GPR107: variants seen among roughly 807,000 people sequenced by gnomAD.
GPR107 encodes protein GPR107.
A neutral mutation model predicts 75.5 loss-of-function variants in GPR107; 31 were observed. The observed-to-expected ratio is 0.41, with a 90% confidence interval of 0.31 to 0.55. GPR107 has a LOEUF of 0.55. Ranked by LOEUF, GPR107 falls within the 20% of genes least tolerant of loss-of-function variation. The probability of loss-of-function intolerance (pLI) is 0.26; values close to 1 mark genes in which losing one functional copy is unlikely to be tolerated. For synonymous variants in GPR107, 267 were observed against 251.3 expected (o/e 1.06, Z -0.59); for missense variants, 572 against 665.7 (o/e 0.86, Z 1.55).
chr9:130,111,955 C>A (rs192318789), intron 14 of GPR107, among the ~76,000 whole-genome samples: 15 of 152,266 alleles, frequency 9.9e-5, no homozygotes, highest in Admixed American at 9.2e-4. Context: ...TTGAGTCTCG[C>A]ACAGACACAC....
In GPR107 at chr9:130,130,755, A is replaced by G. The variant is rs371625186; in HGVS notation, c.1562+1994A>G. Among the ~76,000 whole-genome samples the G allele has an allele frequency of 7.2e-5, 11 of 152,050 alleles. 1 individual carries two copies. The highest frequency in any genetic ancestry group is 2.2e-4 in the African/African-American group (9 of 41,466). ...CGTGGTGGCAGGCACCTGTAATCCC[A>G]GCTACTCGGGAGGCTGAAGCAGGAG... On this transcript the variant is annotated intron_variant, in intron 17 of 17. Coordinates refer to ENST00000347136, the MANE Select transcript of GPR107 (RefSeq NM_020960.5).
At chr9:130,054,763 A>C (rs1486928786) in intron 1 of GPR107, among the ~76,000 whole-genome samples, 5 of 152,222 alleles carry the variant, frequency 3.3e-5, no homozygotes, top group African/African-American at 1.2e-4. Context: ...ACGCACCCTA[A>C]GGTGGTTCAG....
At chr9:130,084,156 G>T (rs1328833944) in intron 6 of GPR107, among the ~76,000 whole-genome samples, 1 of 150,826 alleles carries the variant, frequency 6.6e-6, no homozygotes, top group Non-Finnish European at 1.5e-5. Flanking sequence ...CCAGCACTTT[G>T]GGAGGTTGAG....
At position 130,128,759 on chromosome 9, in the gene GPR107, C is replaced by T. The variant is rs140871924; in HGVS notation, c.1560C>T (p.Ser520=). Residue 520 remains serine, a splice_region_variant and synonymous_variant, in exon 17 of 18, where the codon TCC becomes TCT. Coordinates refer to ENST00000347136, the MANE Select transcript of GPR107 (RefSeq NM_020960.5). The part of the protein sequence containing the change: ...SQEEEDLEME[S]VVTTSGVMES... ...AAGAAGAAGACTTGGAAATGGAGTC[C>T]GTGTAAGAAATCTTTCTTCCCTCTT... 4.1e-5 allele frequency: 66 copies of T among 1,613,502 alleles called. No homozygotes were observed. The highest frequency in any genetic ancestry group is 5.5e-5 in the Non-Finnish European group (65 of 1,179,540).
At chr9:130,116,283 C>A (rs892642643) in intron 14 of GPR107, among the ~76,000 whole-genome samples, 2 of 152,218 alleles carry the variant, frequency 1.3e-5, no homozygotes, top group African/African-American at 4.8e-5. Flanking sequence ...GGGCCTGGTT[C>A]TTCTGCCTAC....
chr9:130,086,577 G>A (rs1394072260), intron 7 of GPR107, 101 bp downstream of exon 7: 1 of 749,128 alleles, frequency 1.3e-6, no homozygotes, highest in Non-Finnish European at 2.4e-6. Context: ...TAACAACTTA[G>A]GTATGCCCTG....
chr9:130,122,639 C>T (rs896946063), intron 14 of GPR107, among the ~76,000 whole-genome samples: 8 of 152,112 alleles, frequency 5.3e-5, no homozygotes, highest in African/African-American at 1.7e-4. Context: ...GCAGCTGCCC[C>T]GGGGGCAGAG....
At chr9:130,108,687 C>T in intron 14 of GPR107, 1 of 455,266 alleles carries the variant, frequency 2.2e-6, no homozygotes, top group Admixed American at 2.4e-5. Context: ...CACTCAGCTT[C>T]TGCGACCTGC....
intron 16 of GPR107, among the ~76,000 whole-genome samples, chr9:130,127,882 T>C (rs748112777): frequency 3.9e-5 from 6 of 152,158 alleles, no homozygotes; most frequent in Non-Finnish European, 8.8e-5. Context: ...TTTGTTTTTT[T>C]AGTAGAGATG....
chr9:130,067,680 A>C (rs1036403054), intron 1 of GPR107, among the ~76,000 whole-genome samples: 6 of 151,880 alleles, frequency 4.0e-5, no homozygotes, highest in Non-Finnish European at 8.8e-5. Context: ...TATAATATTA[A>C]ACTTCTTAGG....
At chr9:130,091,673 C>T (rs1032734946) in intron 8 of GPR107, among the ~76,000 whole-genome samples, 16 of 150,832 alleles carry the variant, frequency 1.1e-4, no homozygotes, top group African/African-American at 3.2e-4. Context: ...GGATTACAGG[C>T]GCCTTTCACA....
intron 14 of GPR107, among the ~76,000 whole-genome samples, chr9:130,110,883 C>T (rs1831282025): frequency 6.6e-6 from 1 of 152,196 alleles, no homozygotes; most frequent in African/African-American, 2.4e-5. Flanking sequence ...AGCACAAAGG[C>T]TACAGGCAAT....
rs1554899723 is a variant in GPR107, at chr9:130,135,041, G to A, written c.1579G>A (p.Val527Met). The change falls in exon 18 of 18, where the codon GTG (valine) becomes ATG (methionine). Residue 527 changes from valine (V) to methionine (M), a missense_variant. Coordinates refer to ENST00000347136, the MANE Select transcript of GPR107 (RefSeq NM_020960.5). ...CTTGTTCAGTGTGACAACATCTGGG[G>A]TGATGGAAAGTATGAAGAAAGTCAA... is the stretch of plus-strand genomic sequence containing the variant. ...EMESVVTTSG[V>M]MESMKKVKKV... 1 of 1,602,108 alleles carries A rather than the reference G, an allele frequency of 6.2e-7. No homozygotes were observed. Among genetic ancestry groups the A allele is most frequent in the African/African-American group, 1.3e-5 (1 of 74,846 alleles).
chr9:130,063,429 A>G (rs562446809), intron 1 of GPR107, among the ~76,000 whole-genome samples: 8 of 152,324 alleles, frequency 5.3e-5, no homozygotes, highest in African/African-American at 1.9e-4. Flanking sequence ...TGACCTCATG[A>G]TCTGCCCGCC....
At chr9:130,095,169 T>C (rs1830833759) in intron 9 of GPR107, among the ~76,000 whole-genome samples, 1 of 152,152 alleles carries the variant, frequency 6.6e-6, no homozygotes, top group African/African-American at 2.4e-5. Context: ...ACAGTAATAG[T>C]TACTCTGCCT....
At chr9:130,054,980 G>T (rs1829717632) in intron 1 of GPR107, among the ~76,000 whole-genome samples, 1 of 151,858 alleles carries the variant, frequency 6.6e-6, no homozygotes, top group Non-Finnish European at 1.5e-5. Flanking sequence ...CTTCTGGGGA[G>T]GCTGAGGCTG....
chr9:130,090,027 C>T (rs1160540793), intron 7 of GPR107, among the ~76,000 whole-genome samples: 3 of 152,150 alleles, frequency 2.0e-5, no homozygotes, highest in Non-Finnish European at 4.4e-5. Context: ...TTGTGTCTCC[C>T]TCGCAGTCCT....
chr9:130,113,070 A>G (rs1243032173), intron 14 of GPR107, among the ~76,000 whole-genome samples: 1 of 152,074 alleles, frequency 6.6e-6, no homozygotes, highest in Admixed American at 6.6e-5. Context: ...TATCTGGAAG[A>G]ATGACTGTTA....
chr9:130,117,093 T>G (rs1831444051), intron 14 of GPR107, among the ~76,000 whole-genome samples: 1 of 151,978 alleles, frequency 6.6e-6, no homozygotes, highest in Non-Finnish European at 1.5e-5. Context: ...ATTACAGGCA[T>G]GCACCACCAC....
Sources: allele counts gnomAD v4.1 joint callset (sites outside exome capture counted in the v4.1 genomes callset), GRCh38; gene constraint gnomAD v4.1.1; transcripts MANE v1.5; gene names NCBI Gene and HGNC (gene_info 2026-07-23, HGNC 2026-07-21).